CEP63: variants seen among roughly 807,000 people sequenced by gnomAD.
The protein encoded by CEP63 is centrosomal protein of 63 kDa.
A neutral mutation model predicts 89.1 loss-of-function variants in CEP63; 84 were observed. That is an observed-to-expected ratio of 0.94 (90% CI 0.79 to 1.13). The LOEUF is 1.13. Among genes scored for constraint, CEP63 ranks in the 50% most tolerant of loss-of-function variants. The pLI is 0.00. For missense variants in CEP63, 838 were observed against 813.3 expected, an observed-to-expected ratio of 1.03 and a Z score of -0.37; for synonymous variants, 267 against 272.5, an observed-to-expected ratio of 0.98 and a Z score of 0.20.
At chr3:134,538,484 C>T (rs1222379236) in intron 6 of CEP63, among the ~76,000 whole-genome samples, 1 of 131,368 alleles carries the variant, frequency 7.6e-6, no homozygotes, top group Non-Finnish European at 1.6e-5. Flanking sequence ...GTTTTTTTGA[C>T]TTGAATGCCA....
the CEP63 span, among the ~76,000 whole-genome samples, chr3:134,736,199 C>T: frequency 1.2e-4 from 19 of 152,046 alleles, no homozygotes; most frequent in African/African-American, 4.3e-4. Flanking sequence ...CTACAAAAAT[C>T]ATACGGAATA....
the CEP63 span, among the ~76,000 whole-genome samples, chr3:134,685,939 G>A: frequency 2.6e-5 from 4 of 152,194 alleles, no homozygotes; most frequent in Non-Finnish European, 5.9e-5. Context: ...TCCATGCCAG[G>A]CTCTGGGCTA....
At chr3:134,699,937 C>T in the CEP63 span, among the ~76,000 whole-genome samples, 1 of 152,248 alleles carries the variant, frequency 6.6e-6, no homozygotes, top group Non-Finnish European at 1.5e-5. Flanking sequence ...AGCTCCAGAA[C>T]TGACTGAGTC....
chr3:134,763,011 A>C, the CEP63 span, among the ~76,000 whole-genome samples: 1 of 152,162 alleles, frequency 6.6e-6, no homozygotes, highest in Non-Finnish European at 1.5e-5. Flanking sequence ...TGTGAATAAG[A>C]AGGCAGAGAC....
chr3:134,732,899 G>A, the CEP63 span, among the ~76,000 whole-genome samples: 1 of 152,128 alleles, frequency 6.6e-6, no homozygotes, highest in African/African-American at 2.4e-5. Context: ...GAAAAGGAGA[G>A]ACTCCTAAGT....
the CEP63 span, among the ~76,000 whole-genome samples, chr3:134,670,767 T>A: frequency 6.6e-6 from 1 of 152,178 alleles, no homozygotes; most frequent in Non-Finnish European, 1.5e-5. Context: ...AGCTTAAAAA[T>A]GGGGAAATGT....
chr3:134,647,626 C>A, the CEP63 span: 1 of 596,920 alleles, frequency 1.7e-6, no homozygotes, highest in Non-Finnish European at 3.0e-6. Context: ...AGAGGCTACC[C>A]ATGAATAAGA....
rs766484153 is a variant in CEP63, at chr3:134,547,407, C to G, written c.1002C>G (p.Ser334=). 6.2e-7 allele frequency: 1 copy of G among 1,613,644 alleles called. No homozygotes were observed. The highest frequency in any genetic ancestry group is 8.5e-7 in the Non-Finnish European group (1 of 1,179,698). Residue 334 remains serine (S), a synonymous_variant, in exon 9 of 15, where the codon TCC becomes TCG. Transcript: ENST00000675561. ...QGQGDLDSVL[S]QLNFTHTSED... is the part of the protein sequence containing the mutation. ...AGGGGGACTTAGACAGTGTGCTCTCCCAGTTGAATTTTACCCATACTAGTG... is the reference window on the plus strand; with the variant it reads ...AGGGGGACTTAGACAGTGTGCTCTCGCAGTTGAATTTTACCCATACTAGTG...
the CEP63 span, among the ~76,000 whole-genome samples, chr3:134,673,097 A>G: frequency 6.6e-6 from 1 of 152,126 alleles, no homozygotes; most frequent in Non-Finnish European, 1.5e-5. Flanking sequence ...GGTGGATCAC[A>G]TTCTCTTTTA....
intron 2 of CEP63, among the ~76,000 whole-genome samples, chr3:134,496,262 C>A (rs1489545617): frequency 6.6e-6 from 1 of 152,152 alleles, no homozygotes; most frequent in Non-Finnish European, 1.5e-5. Flanking sequence ...CCTAGTACTA[C>A]CAGTTCACTC....
the CEP63 span, among the ~76,000 whole-genome samples, chr3:134,630,056 T>C: frequency 6.6e-6 from 1 of 152,256 alleles, no homozygotes; most frequent in Admixed American, 6.5e-5. Flanking sequence ...TTTACCATTC[T>C]TCTTTCCCCT....
chr3:134,547,858 C>T (rs940590331), intron 9 of CEP63, among the ~76,000 whole-genome samples: 2 of 152,080 alleles, frequency 1.3e-5, no homozygotes, highest in African/African-American at 4.8e-5. Context: ...ATCCACCTGC[C>T]TTGGCCTCCC....
chr3:134,540,549 T>G, intron 6 of CEP63, among the ~76,000 whole-genome samples: 1 of 152,168 alleles, frequency 6.6e-6, no homozygotes, highest in Non-Finnish European at 1.5e-5. Context: ...AATATCCATT[T>G]CCTCATACTT....
intron 10 of CEP63, among the ~76,000 whole-genome samples, chr3:134,581,909 T>C (rs1439582865): frequency 1.3e-5 from 2 of 151,600 alleles, no homozygotes; most frequent in Non-Finnish European, 2.9e-5. Context: ...TCTCCTGACC[T>C]CGTGATCCGC....
At chr3:134,534,842 T>G (rs905196465) in intron 5 of CEP63, among the ~76,000 whole-genome samples, 1 of 152,148 alleles carries the variant, frequency 6.6e-6, no homozygotes, top group African/African-American at 2.4e-5. Flanking sequence ...GCTTTTCTCC[T>G]CAAACTCTCA....
the CEP63 span, among the ~76,000 whole-genome samples, chr3:134,694,488 C>T: frequency 1.3e-5 from 2 of 152,176 alleles, no homozygotes; most frequent in Non-Finnish European, 2.9e-5. Context: ...TTCTTCATTC[C>T]AGCATCAACA....
At chr3:134,486,492 C>T in intron 1 of CEP63, 2 of 985,768 alleles carry the variant, frequency 2.0e-6, no homozygotes, top group Non-Finnish European at 2.4e-6. Context: ...TGGGGTTCGG[C>T]CCCGCCAGGT....
chr3:134,655,363 C>G, the CEP63 span, among the ~76,000 whole-genome samples: 1 of 152,230 alleles, frequency 6.6e-6, no homozygotes, highest in Non-Finnish European at 1.5e-5. Flanking sequence ...CCTTGAAGAA[C>G]TGATGTCAGA....
intron 3 of CEP63, among the ~76,000 whole-genome samples, chr3:134,520,196 A>C (rs1336670197): frequency 6.6e-6 from 1 of 152,214 alleles, no homozygotes; most frequent in Non-Finnish European, 1.5e-5. Context: ...CAAAAAATCT[A>C]TGTAGACAGA....
Sources: allele counts gnomAD v4.1 joint callset (sites outside exome capture counted in the v4.1 genomes callset), GRCh38; gene constraint gnomAD v4.1.1; transcripts MANE v1.5; gene names NCBI Gene and HGNC (gene_info 2026-07-23, HGNC 2026-07-21).